Variants in SLC5A10 observed in about 807,000 individuals in gnomAD.
The protein encoded by SLC5A10 is sodium/mannose cotransporter SLC5A10.
Under a neutral mutation model 68.9 loss-of-function variants are expected in SLC5A10, and 55 were observed. The ratio of observed to expected loss-of-function variants is 0.80; its 90% CI spans 0.64 to 1.00. The LOEUF is 1.00. Ranked by LOEUF, SLC5A10 falls within the 50% of genes least tolerant of loss-of-function variation. The pLI is 0.00. For missense variants in SLC5A10, 732 were observed against 819.3 expected (o/e 0.89, Z 1.30); for synonymous variants, 344 against 344.8 (o/e 1.00, Z 0.02).
In SLC5A10 at chr17:18,958,709, G is replaced by A. The variant is rs2151992565; in HGVS notation, c.139G>A (p.Val47Met). ...CTCTTGTCGGGCCAGTAGGAACACG[G>A]TGAATGGCTACTTCCTGGCAGGCCG... ...WSSCRASRNT[V>M]NGYFLAGRDM... Residue 47 changes from valine to methionine, a missense_variant, in exon 2 of 15, where the codon GTG becomes ATG. By Grantham distance (21) the Val-to-Met change is conservative. Coordinates refer to ENST00000395645, the MANE Select transcript of SLC5A10 (RefSeq NM_001042450.4). 6.2e-7 allele frequency: 1 copy of A among 1,614,214 alleles called. No homozygotes were observed. The highest frequency in any genetic ancestry group is 8.5e-7 in the Non-Finnish European group (1 of 1,180,048).
chr17:18,976,603 T>C, intron 8 of SLC5A10: 1 of 497,260 alleles, frequency 2.0e-6, no homozygotes, highest in Non-Finnish European at 3.6e-6. Context: ...ACACCTCCCC[T>C]ATTGACAGGT....
chr17:18,953,052 A>G (rs1200535731), intron 1 of SLC5A10, among the ~76,000 whole-genome samples: 2 of 149,958 alleles, frequency 1.3e-5, no homozygotes, highest in African/African-American at 4.9e-5. Context: ...GTTGGGCTCC[A>G]CTTCTTAAGC....
chr17:19,001,445 T>A (rs1221161331), intron 9 of SLC5A10, among the ~76,000 whole-genome samples: 1 of 152,032 alleles, frequency 6.6e-6, no homozygotes, highest in Non-Finnish European at 1.5e-5. Context: ...GAGTGCCCCA[T>A]CCTGAGGGCT....
chr17:18,967,515 G>C (rs979916616), intron 5 of SLC5A10, among the ~76,000 whole-genome samples: 5 of 152,246 alleles, frequency 3.3e-5, no homozygotes, highest in Non-Finnish European at 1.5e-5. Context: ...TAAGTGCTGG[G>C]CATGGGATGA....
chr17:18,991,203 T>C (rs993400637), intron 9 of SLC5A10, among the ~76,000 whole-genome samples: 1 of 152,186 alleles, frequency 6.6e-6, no homozygotes, highest in African/African-American at 2.4e-5. Context: ...AGAGCCCTTG[T>C]CTGAGCCCAG....
chr17:18,959,220 T>C lies in SLC5A10; in HGVS notation c.269T>C (p.Val90Ala). The change falls in exon 3 of 15, where the codon GTG becomes GCG. Residue 90 changes from valine (V) to alanine (A), a missense_variant. Val to Ala is a moderately conservative substitution (Grantham distance 64, BLOSUM62 0). Transcript: ENST00000395645. ...AGSGAAGGLA[V>A]AGFEWNATYV... Reference sequence around the variant, plus strand: ...TCAGGCGCGGCAGGAGGTCTGGCCGTGGCAGGCTTCGAGTGGAATGTGAGT... The same window carrying C: ...TCAGGCGCGGCAGGAGGTCTGGCCGCGGCAGGCTTCGAGTGGAATGTGAGT... 6.2e-7 allele frequency: 1 copy of C among 1,613,176 alleles called. No homozygotes were observed. Among genetic ancestry groups the C allele is most frequent in the Non-Finnish European group, 8.5e-7 (1 of 1,179,984 alleles).
At chr17:19,020,102 C>CGG in intron 13 of SLC5A10, 53 bp from the exon 14 acceptor site, 1 of 1,098,454 alleles carries the variant, frequency 9.1e-7, no homozygotes, top group Non-Finnish European at 1.4e-6. Context: ...GTCTGGGTCA[C>CGG]CCCCACCCTG....
At chr17:18,969,617 A>T (rs570520717) in intron 7 of SLC5A10, 195 bp downstream of exon 7, 2 of 546,292 alleles carry the variant, frequency 3.7e-6, no homozygotes, top group East Asian at 6.0e-5. Context: ...CCTGGCTGGT[A>T]GAGGCTACCC....
Position 19,022,047 on chromosome 17 carries a change from T to C in SLC5A10, c.*1616T>C, listed in dbSNP as rs2044273403. ...CCGCCACCAGTGGGGGTCTGGGCGC[T>C]CCAGGACCTCAATGATGTCGCCACG... On this transcript the variant is annotated 3_prime_UTR_variant, in exon 15 of 15. Coordinates refer to ENST00000395645, the MANE Select transcript of SLC5A10 (RefSeq NM_001042450.4). 1.9e-6 allele frequency: 3 copies of C among 1,597,476 alleles called. No homozygotes were observed. In the South Asian group the frequency reaches 3.4e-5, roughly 18 times the overall value.
chr17:18,970,806 T>C (rs2042822495), intron 7 of SLC5A10: 3 of 586,310 alleles, frequency 5.1e-6, no homozygotes, highest in Non-Finnish European at 9.1e-6. Context: ...TTATTTTAAA[T>C]ACGAATAAAA....
At chr17:18,982,624 G>A (rs1044124183) in intron 9 of SLC5A10, among the ~76,000 whole-genome samples, 28 of 152,188 alleles carry the variant, frequency 1.8e-4, no homozygotes, top group Middle Eastern at 3.2e-3. Flanking sequence ...TGCTCTCAGC[G>A]GGTGGCAAGG....
intron 14 of SLC5A10, 38 bp from the exon 15 acceptor site, chr17:19,020,287 T>C (rs989333366): frequency 6.2e-7 from 1 of 1,611,786 alleles, no homozygotes. Context: ...TAACCTTGTG[T>C]CCTTCATCTG....
chr17:18,998,480 G>T (rs1567804146), intron 9 of SLC5A10, among the ~76,000 whole-genome samples: 1 of 152,264 alleles, frequency 6.6e-6, no homozygotes, highest in African/African-American at 2.4e-5. Flanking sequence ...CCTTATGAAG[G>T]CCCCAGCCGA....
At chr17:18,964,248 A>G (rs914040707) in intron 5 of SLC5A10, among the ~76,000 whole-genome samples, 1 of 152,116 alleles carries the variant, frequency 6.6e-6, no homozygotes, top group Non-Finnish European at 1.5e-5. Context: ...TCTAGGTGAG[A>G]GAATCTATGC....
chr17:19,019,612 C>T (rs748929211), intron 12 of SLC5A10, 21 bp downstream of exon 12: 2 of 1,609,180 alleles, frequency 1.2e-6, no homozygotes, highest in East Asian at 2.2e-5. Context: ...GCGGTCTGCT[C>T]TCCCTGGGGA....
rs1274852231 is a variant in SLC5A10, at chr17:19,021,837, C to G, written c.*1406C>G. ...GCGGCCGGAGGCAGTTAGGAGCCCACGTTCAGTCCAAGGCCGTCCACTGAG... is the reference window on the plus strand; with the variant it reads ...GCGGCCGGAGGCAGTTAGGAGCCCAGGTTCAGTCCAAGGCCGTCCACTGAG... On this transcript the variant is annotated 3_prime_UTR_variant, in exon 15 of 15. Transcript: ENST00000395645. This position sits in a 1 kb window ranked among gnomAD's most constrained non-coding sequence, Gnocchi z 4.1. The G allele has an allele frequency of 1.9e-6, 2 of 1,026,886 alleles. No homozygotes were observed. Among genetic ancestry groups the G allele is most frequent in the Non-Finnish European group, 2.6e-6 (2 of 777,030 alleles). The allele number at this position is 1,026,886 out of a possible 1,614,324, so 63.6% of individuals were successfully genotyped here.
chr17:18,984,591 T>G (rs991251500), intron 9 of SLC5A10, among the ~76,000 whole-genome samples: 7 of 152,246 alleles, frequency 4.6e-5, no homozygotes, highest in Non-Finnish European at 7.3e-5. Context: ...GTCTGGCCTT[T>G]GCCCAGGGGC....
At position 19,003,455 on chromosome 17, in the gene SLC5A10, C is replaced by T; in HGVS notation, c.983-9955C>T. 1 of 1,478,146 alleles carries T rather than the reference C, an allele frequency of 6.8e-7. No individual in the cohort carries two copies. The highest frequency in any genetic ancestry group is 9.0e-7 in the Non-Finnish European group (1 of 1,112,148). 91.6% of individuals were successfully genotyped at this position (1,478,146 alleles called of 1,614,324 possible). On this transcript the variant is annotated intron_variant, in intron 9 of 14. Coordinates refer to ENST00000395645, the MANE Select transcript of SLC5A10 (RefSeq NM_001042450.4). This position sits in a 1 kb window ranked among gnomAD's most constrained non-coding sequence, Gnocchi z 4.5. ...GCTCCCGTTTTGGGCTCTGAGTGAG[C>T]CTGTATTGAGAGGGGTCCGGTGGCT...
chr17:19,014,086 C>A (rs2044079789), intron 10 of SLC5A10, among the ~76,000 whole-genome samples: 1 of 152,210 alleles, frequency 6.6e-6, no homozygotes, highest in Non-Finnish European at 1.5e-5. Flanking sequence ...AGAACCGAGG[C>A]CAGACAACCC....
Sources: gnomAD v4.1 joint callset for allele counts (sites outside exome capture counted in the v4.1 genomes callset) on GRCh38, gnomAD v4.1.1 for gene constraint, Gnocchi (gnomAD v3.1) non-coding constraint, MANE v1.5 for transcripts, NCBI Gene and HGNC (gene_info 2026-07-23, HGNC 2026-07-21) for gene names.